Variants in ZFHX3 observed in about 807,000 individuals in gnomAD.
ZFHX3 encodes zinc finger homeobox 3.
A neutral mutation model predicts 279.1 loss-of-function variants in ZFHX3; 42 were observed. The ratio of observed to expected loss-of-function variants is 0.15; its 90% CI spans 0.12 to 0.19. The LOEUF (loss-of-function observed/expected upper bound fraction) is 0.19. Among genes scored for constraint, ZFHX3 ranks in the 10% least tolerant of loss-of-function variants. The probability of loss-of-function intolerance (pLI) is 1.00; values close to 1 mark genes in which losing one functional copy is unlikely to be tolerated. For missense variants in ZFHX3, 4,981 were observed against 4,754.0 expected, an observed-to-expected ratio of 1.05 and a Z score of -1.40; for synonymous variants, 2,293 against 1,957.8, an observed-to-expected ratio of 1.17 and a Z score of -4.52.
intron 5 of ZFHX3, among the ~76,000 whole-genome samples, chr16:73,193,561 A>G (rs1968086517): frequency 6.6e-6 from 1 of 152,154 alleles, no homozygotes; most frequent in Non-Finnish European, 1.5e-5. Context: ...AAGCAAGTTA[A>G]GGTATATATT....
Position 72,800,024 on chromosome 16 carries a change from G to A in ZFHX3, c.3967+3C>T. On this transcript the variant is annotated splice_donor_region_variant and intron_variant, in intron 8 of 9. Coordinates refer to ENST00000268489, the MANE Select transcript of ZFHX3 (RefSeq NM_006885.4). ...TCTTGGGGTCAAGAATAATGATACT[G>A]ACCAGGCTGCTTTCCTGCCTCTTCC... The A allele has an allele frequency of 6.2e-7, 1 of 1,613,640 alleles. No homozygotes were observed. Among genetic ancestry groups the A allele is most frequent in the East Asian group, 2.2e-5 (1 of 44,868 alleles).
Position 73,390,235 on chromosome 16 carries a change from T to C in ZFHX3, c.-1291+65768A>G, listed in dbSNP as rs536861454. On this transcript the variant is annotated intron_variant, in intron 3 of 17. Transcript: ENST00000641206. ...CTGTAGCATCTCTTGGTGGTTAATA[T>C]CCCTCTTAAACTTAGAAAGCCATGA... 1.4e-4 allele frequency among the ~76,000 whole-genome samples: 22 copies of C among 152,114 alleles called. No individual in the cohort carries two copies. In the South Asian group the frequency reaches 4.4e-3, roughly 30 times the overall value.
intron 3 of ZFHX3, among the ~76,000 whole-genome samples, chr16:73,426,392 A>G (rs1457106334): frequency 6.6e-6 from 1 of 152,224 alleles, no homozygotes; most frequent in Non-Finnish European, 1.5e-5. Flanking sequence ...AAATGGAGCA[A>G]GAAAGGTGAT....
At position 72,900,229 on chromosome 16, in the gene ZFHX3, C is replaced by G. The variant is rs77107103; in HGVS notation, c.3217-10267G>C. Among the ~76,000 whole-genome samples, 1,254 of 151,842 alleles carry G rather than the reference C, an allele frequency of 8.3e-3. 14 individuals are homozygous for G. Among genetic ancestry groups the G allele is most frequent in the Non-Finnish European group, 0.013 (851 of 67,980 alleles). The stretch of plus-strand genomic sequence containing the variant: ...AAAATGCAAGGACCACGTTCTTTCT[C>G]ATGTCTGCCAATATCCTGGGTGAGG... On this transcript the variant is annotated intron_variant, in intron 3 of 9. Coordinates refer to ENST00000268489, the MANE Select transcript of ZFHX3 (RefSeq NM_006885.4).
rs1219742061 is a variant in ZFHX3 at position 72,958,881 on chromosome 16, G to A, written c.1265C>T (p.Pro422Leu). 3 of 1,611,474 alleles carry A rather than the reference G, an allele frequency of 1.9e-6. No individual in the cohort carries two copies. The highest frequency in any genetic ancestry group is 1.7e-4 in the Middle Eastern group (1 of 6,046). ...GGATTTGGTAGGACTGGAAGCCAGA[G>A]GCCCCAGGGGGACTGAGGTAATGGG... is the stretch of plus-strand genomic sequence containing the variant. Reference protein sequence around the residue: ...KTPITSVPLGPLASSPTKSSE... With the variant: ...KTPITSVPLGLLASSPTKSSE... Residue 422 changes from proline (P) to leucine (L), a missense_variant, in exon 2 of 10, where the codon CCT becomes CTT. This residue lies in a region of ZFHX3 where 1,068 missense variants were observed against 935.2 expected (regional missense o/e 1.14). Transcript: ENST00000268489.
chr16:73,536,937 A>G (rs1436839845), intron 2 of ZFHX3, among the ~76,000 whole-genome samples: 1 of 151,646 alleles, frequency 6.6e-6, no homozygotes, highest in Non-Finnish European at 1.5e-5. Context: ...TTCTTTATTA[A>G]AAAAAAAGAA....
intron 3 of ZFHX3, among the ~76,000 whole-genome samples, chr16:73,447,314 A>G (rs1211635254): frequency 6.6e-6 from 1 of 152,222 alleles, no homozygotes; most frequent in Non-Finnish European, 1.5e-5. Flanking sequence ...ACTACAAGCC[A>G]TAATCTTCAA....
chr16:73,134,232 A>G (rs1966746756), intron 6 of ZFHX3, among the ~76,000 whole-genome samples: 1 of 150,424 alleles, frequency 6.6e-6, no homozygotes, highest in South Asian at 2.1e-4. Flanking sequence ...AACTCAGATG[A>G]CCTCAATGGC....
chr16:73,530,165 G>A lies in ZFHX3; in HGVS notation c.-1546-73907C>T, dbSNP rs1359612997. On this transcript the variant is annotated intron_variant, in intron 2 of 17. Coordinates refer to the ZFHX3 transcript ENST00000641206. The stretch of plus-strand genomic sequence containing the variant: ...AAAGTCACGTCTTACATGGTGGCAG[G>A]CAAGAGAGAGAATGAGAACCAAGTG... 2.6e-5 allele frequency among the ~76,000 whole-genome samples: 4 copies of A among 152,178 alleles called. No individual in the cohort carries two copies. The East Asian group carries it at 7.7e-4, about 29-fold the overall frequency.
intron 1 of ZFHX3, 58 bp downstream of exon 1, chr16:73,047,686 AAGACTCGC>A (rs2144719235): frequency 6.5e-6 from 1 of 152,976 alleles, no homozygotes; most frequent in South Asian, 2.1e-4. Flanking sequence ...AAGTTCAGCC[AAGACTCGC>A]AGCACCTGCC....
chr16:73,412,326 C>CAA (rs60447973), intron 3 of ZFHX3, among the ~76,000 whole-genome samples: 24 of 117,410 alleles, frequency 2.0e-4, no homozygotes, highest in Non-Finnish European at 2.8e-4. Flanking sequence ...GAGACTGTTT[C>CAA]AAAAAAAAAA....
At chr16:73,243,296 A>T (rs1329937486) in intron 5 of ZFHX3, among the ~76,000 whole-genome samples, 1 of 152,224 alleles carries the variant, frequency 6.6e-6, no homozygotes, top group African/African-American at 2.4e-5. Context: ...AGCAAAGAAC[A>T]ATATTTCTTA....
chr16:73,785,499 C>T (rs1032749823), intron 1 of ZFHX3, among the ~76,000 whole-genome samples: 1 of 152,194 alleles, frequency 6.6e-6, no homozygotes, highest in African/African-American at 2.4e-5. Flanking sequence ...CCTGCAGTCA[C>T]TCTGAGATGT....
chr16:73,010,410 A>AGGGGAAGTGTAAAAGTGCAAAG (rs1963873889), intron 1 of ZFHX3, among the ~76,000 whole-genome samples: 2 of 152,216 alleles, frequency 1.3e-5, no homozygotes, highest in Admixed American at 6.5e-5. Context: ...TCCCTAGCAA[A>AGGGGAAGTGTAAAAGTGCAAAG]GGGGAAGTGT....
intron 4 of ZFHX3, among the ~76,000 whole-genome samples, chr16:73,267,450 A>G (rs2014008393): frequency 6.6e-6 from 1 of 152,170 alleles, no homozygotes; most frequent in Non-Finnish European, 1.5e-5. Context: ...GTCGTCCCTG[A>G]TGATGACTAA....
intron 5 of ZFHX3, among the ~76,000 whole-genome samples, chr16:73,246,506 G>C (rs1237572680): frequency 6.6e-6 from 1 of 152,186 alleles, no homozygotes; most frequent in East Asian, 1.9e-4. Flanking sequence ...CCGAGGTGCT[G>C]GGTGGGCCAG....
At chr16:73,310,283 C>T (rs778221045) in intron 4 of ZFHX3, among the ~76,000 whole-genome samples, 19 of 152,078 alleles carry the variant, frequency 1.2e-4, no homozygotes, top group Non-Finnish European at 1.9e-4. Flanking sequence ...GAAATGGGAG[C>T]ATTCCACCCT....
chr16:73,684,470 T>C (rs1343926716), intron 1 of ZFHX3, among the ~76,000 whole-genome samples: 1 of 152,024 alleles, frequency 6.6e-6, no homozygotes, highest in Non-Finnish European at 1.5e-5. Context: ...CTGAGCATCC[T>C]AGAAGCCAAA....
At chr16:73,662,006 ATT>A (rs371669198) in intron 2 of ZFHX3, among the ~76,000 whole-genome samples, 1 of 141,822 alleles carries the variant, frequency 7.1e-6, no homozygotes, top group African/African-American at 2.6e-5. Flanking sequence ...CAACGGACCA[ATT>A]TTTTTTTTTT....
Sources: allele counts gnomAD v4.1 joint callset (sites outside exome capture counted in the v4.1 genomes callset), GRCh38; gene constraint gnomAD v4.1.1; regional missense constraint gnomAD v4.1.1; transcripts MANE v1.5; gene names NCBI Gene and HGNC (gene_info 2026-07-23, HGNC 2026-07-21).